The following C19orf12 variants were observed in gnomAD, a reference collection of about 807,000 sequenced individuals.
C19orf12 encodes protein C19orf12.
In C19orf12, 2 loss-of-function variants were observed where a neutral mutation model predicts 3.8. The ratio of observed to expected loss-of-function variants is 0.53; its 90% CI spans 0.22 to 1.66. C19orf12 has a LOEUF of 1.66. Among genes scored for constraint, C19orf12 ranks in the 40% most tolerant of loss-of-function variants. The pLI is 0.20. For synonymous variants in C19orf12, 89 were observed against 84.6 expected (o/e 1.05, Z -0.28); for missense variants, 156 against 188.8 (o/e 0.83, Z 1.02).
rs576273835 is a variant in C19orf12 at position 29,699,350 on chromosome 19, G to C, written c.*3362C>G. ...AAATAAAAATTAGCCGGGCATGGTG[G>C]CGGGCGACTGTAGTCAAAGCTACTC... On this transcript the variant is annotated 3_prime_UTR_variant, in exon 3 of 3. Transcript: ENST00000323670. 139 of 367,066 alleles carry C rather than the reference G, an allele frequency of 3.8e-4. No homozygotes were observed. The highest frequency in any genetic ancestry group is 2.7e-3 in the African/African-American group (126 of 46,682). 22.7% of individuals were successfully genotyped at this position (367,066 alleles called of 1,614,324 possible). A position where few individuals can be genotyped will look rare whatever the true frequency, so the allele number is the denominator to read the frequency against.
chr19:29,704,335 G>C (rs920211619), intron 2 of C19orf12, among the ~76,000 whole-genome samples: 3 of 151,918 alleles, frequency 2.0e-5, no homozygotes, highest in African/African-American at 4.8e-5. Flanking sequence ...CAGGCATAGT[G>C]GTGGGTGCCT....
rs759906106 is a variant in C19orf12, at chr19:29,700,650, C to CAT, written c.*2061_*2062insAT. 2.2e-6 allele frequency: 1 copy of CAT among 454,084 alleles called. No individual in the cohort carries two copies. Among genetic ancestry groups the CAT allele is most frequent in the Non-Finnish European group, 4.4e-6 (1 of 226,776 alleles). 28.1% of individuals were successfully genotyped at this position (454,084 alleles called of 1,614,324 possible). On this transcript the variant is annotated 3_prime_UTR_variant, in exon 3 of 3. Coordinates refer to ENST00000323670, the MANE Select transcript of C19orf12 (RefSeq NM_031448.6). ...AGTGGCATATAAATGATTAAAGTGG[C>CAT]TTCATTAACTCCAGGAGTGTGGCCT...
chr19:29,713,059 G>A (rs1972766805), intron 1 of C19orf12, among the ~76,000 whole-genome samples: 3 of 152,210 alleles, frequency 2.0e-5, no homozygotes, highest in Non-Finnish European at 4.4e-5. Context: ...TCTTGTTGGG[G>A]AAGAAAGGTT....
At position 29,700,076 on chromosome 19, in the gene C19orf12, C is replaced by T; in HGVS notation, c.*2636G>A. The stretch of plus-strand genomic sequence containing the variant: ...GACACAAAACTGATCAGGAGTTGGA[C>T]CATCTCCTCCCTGGGCATTTTTCCC... On this transcript the variant is annotated 3_prime_UTR_variant, in exon 3 of 3. Coordinates refer to ENST00000323670, the MANE Select transcript of C19orf12 (RefSeq NM_031448.6). 1 of 454,050 alleles carries T rather than the reference C, an allele frequency of 2.2e-6. No homozygotes were observed. Among genetic ancestry groups the T allele is most frequent in the South Asian group, 1.6e-5 (1 of 64,474 alleles). 28.1% of individuals were successfully genotyped at this position (454,050 alleles called of 1,614,324 possible).
Position 29,699,860 on chromosome 19 carries a change from T to C in C19orf12, c.*2852A>G. ...TAAATTTCTACAAAGAAGATACAGATATATAAATACTAAAACCACAGGAGC... is the reference window on the plus strand; with the variant it reads ...TAAATTTCTACAAAGAAGATACAGACATATAAATACTAAAACCACAGGAGC... On this transcript the variant is annotated 3_prime_UTR_variant, in exon 3 of 3. Transcript: ENST00000323670. 4.4e-6 allele frequency: 2 copies of C among 453,650 alleles called. No homozygotes were observed. Among genetic ancestry groups the C allele is most frequent in the Non-Finnish European group, 8.8e-6 (2 of 226,682 alleles). The allele number at this position is 453,650 out of a possible 1,614,324, so 28.1% of individuals were successfully genotyped here.
rs201476706 is a variant in C19orf12 at position 29,702,733 on chromosome 19, G to A, written c.405C>T (p.Ala135=). The A allele has an allele frequency of 2.8e-5, 45 of 1,613,778 alleles. No individual in the cohort carries two copies. In the African/African-American group the frequency reaches 3.7e-4, roughly 13 times the overall value. Reference sequence around the variant, plus strand: ...CGGCCTAGTCATCATACTGGATCTCGGCCCGCAGCTCCTTGGTGACGTAGT... The same window carrying A: ...CGGCCTAGTCATCATACTGGATCTCAGCCCGCAGCTCCTTGGTGACGTAGT... ...LVNYVTKELR[A]EIQYDD is the part of the protein sequence containing the mutation. Residue 135 remains alanine, a synonymous_variant, in exon 3 of 3, where the codon GCC becomes GCT. Coordinates refer to ENST00000323670, the MANE Select transcript of C19orf12 (RefSeq NM_031448.6).
intron 1 of C19orf12, 92 bp downstream of exon 1, chr19:29,715,032 TC>T (rs1972888300): frequency 1.5e-6 from 1 of 685,450 alleles, no homozygotes; most frequent in South Asian, 1.5e-5. Flanking sequence ...CCCAAGGCAC[TC>T]CCGGGTCTCC....
chr19:29,705,513 T>C (rs1972331284), intron 2 of C19orf12: 1 of 254,178 alleles, frequency 3.9e-6, no homozygotes, highest in Non-Finnish European at 8.0e-6. Flanking sequence ...TTCTTAGGTT[T>C]TTTTTTTTTT....
In C19orf12 at chr19:29,705,402, CAA is replaced by C. The variant is rs34101444; in HGVS notation, c.161-2427_161-2426del. Reference sequence around the variant, plus strand: ...GGTGTCTTAGACTGGATCCTGAAACCAAAAAAAAAAAAAAAAAAAAAAGGCCA... The same window carrying C: ...GGTGTCTTAGACTGGATCCTGAAACCAAAAAAAAAAAAAAAAAAAAGGCCA... On this transcript the variant is annotated intron_variant, in intron 2 of 2. Coordinates refer to ENST00000323670, the MANE Select transcript of C19orf12 (RefSeq NM_031448.6). 0.048 allele frequency: 5,270 copies of C among 110,246 alleles called. No individual in the cohort carries two copies. The highest frequency in any genetic ancestry group is 0.1 in the South Asian group (1,117 of 11,154). The allele number at this position is 110,246 out of a possible 1,614,324, so 6.8% of individuals were successfully genotyped here.
At position 29,702,380 on chromosome 19, in the gene C19orf12, G is replaced by A. The variant is rs759362527; in HGVS notation, c.*332C>T. On this transcript the variant is annotated 3_prime_UTR_variant, in exon 3 of 3. Transcript: ENST00000323670. ...AGTGTGGTCAGACCGTCGGCTGAGCGTGATCACTTCCCCAGACCCATGCGG... is the reference window on the plus strand; with the variant it reads ...AGTGTGGTCAGACCGTCGGCTGAGCATGATCACTTCCCCAGACCCATGCGG... 5 of 536,760 alleles carry A rather than the reference G, an allele frequency of 9.3e-6. No homozygotes were observed. The highest frequency in any genetic ancestry group is 9.3e-5 in the East Asian group (2 of 21,616). 33.2% of individuals were successfully genotyped at this position (536,760 alleles called of 1,614,324 possible). A position where few individuals can be genotyped will look rare whatever the true frequency, so the allele number is the denominator to read the frequency against.
At chr19:29,703,851 C>T (rs1972242452) in intron 2 of C19orf12, among the ~76,000 whole-genome samples, 1 of 151,958 alleles carries the variant, frequency 6.6e-6, no homozygotes, top group African/African-American at 2.4e-5. Context: ...ATTAGCTGGG[C>T]TTGGGGGCAC....
Position 29,701,992 on chromosome 19 carries a change from T to A in C19orf12, c.*720A>T, listed in dbSNP as rs536195703. On this transcript the variant is annotated 3_prime_UTR_variant, in exon 3 of 3. Transcript: ENST00000323670. ...CTGAACCCACAATATCTCCGAGATA[T>A]ACCTGTACTTTTTACTAAAAATATT... The A allele has an allele frequency of 2.2e-6, 1 of 453,674 alleles. No individual in the cohort carries two copies. The highest frequency in any genetic ancestry group is 1.6e-5 in the South Asian group (1 of 64,420). The allele number at this position is 453,674 out of a possible 1,614,324, so 28.1% of individuals were successfully genotyped here. A position where few individuals can be genotyped will look rare whatever the true frequency, so the allele number is the denominator to read the frequency against.
rs1462918561 is a variant in C19orf12 at position 29,702,847 on chromosome 19, C to A, written c.291G>T (p.Arg97Ser). 3 of 1,614,068 alleles carry A rather than the reference C, an allele frequency of 1.9e-6. No individual in the cohort carries two copies. Among genetic ancestry groups the A allele is most frequent in the African/African-American group, 2.7e-5 (2 of 74,940 alleles). Reference sequence around the variant, plus strand: ...GCACGGCGTCCGTCCACTCCAGGTGCCTGATGATGGCTGCGGCTTCGTTAA... The same window carrying A: ...GCACGGCGTCCGTCCACTCCAGGTGACTGATGATGGCTGCGGCTTCGTTAA... ...RLFNEAAAII[R>S]HLEWTDAVQL... The change falls in exon 3 of 3, where the codon AGG (arginine) becomes AGT (serine). Residue 97 changes from arginine to serine, a missense_variant. By Grantham distance (110) the Arg-to-Ser change is moderately radical. Coordinates refer to ENST00000323670, the MANE Select transcript of C19orf12 (RefSeq NM_031448.6).
intron 1 of C19orf12, among the ~76,000 whole-genome samples, chr19:29,713,385 G>A (rs1038573885): frequency 2.0e-5 from 3 of 151,964 alleles, no homozygotes; most frequent in Admixed American, 1.3e-4. Context: ...TCTTGCAGGC[G>A]CCCAGGCTGC....
intron 1 of C19orf12, among the ~76,000 whole-genome samples, chr19:29,710,348 G>A (rs949230063): frequency 6.6e-6 from 1 of 152,164 alleles, no homozygotes; most frequent in Non-Finnish European, 1.5e-5. Flanking sequence ...CTGCGCTCCT[G>A]CCCCTGTAAA....
chr19:29,699,100 A>T lies in C19orf12; in HGVS notation c.*3612T>A. On this transcript the variant is annotated 3_prime_UTR_variant, in exon 3 of 3. Transcript: ENST00000323670. ...TTACAAGGAATTTTAAATTACATCA[A>T]AAATATTATTTAACATTCATTGATA... is the stretch of plus-strand genomic sequence containing the variant. 1 of 454,032 alleles carries T rather than the reference A, an allele frequency of 2.2e-6. No individual in the cohort carries two copies. Among genetic ancestry groups the T allele is most frequent in the Non-Finnish European group, 4.4e-6 (1 of 226,784 alleles). The allele number at this position is 454,032 out of a possible 1,614,324, so 28.1% of individuals were successfully genotyped here.
At position 29,699,739 on chromosome 19, in the gene C19orf12, T is replaced by C; in HGVS notation, c.*2973A>G. The C allele has an allele frequency of 2.2e-6, 1 of 454,122 alleles. No individual in the cohort carries two copies. The highest frequency in any genetic ancestry group is 6.9e-4 in the Middle Eastern group (1 of 1,444). 28.1% of individuals were successfully genotyped at this position (454,122 alleles called of 1,614,324 possible). ...TGAAATTGGTAACAGTGGCTGCCTCTGGGGTCGGCATAGGAGCAGGCCTTC... is the reference window on the plus strand; with the variant it reads ...TGAAATTGGTAACAGTGGCTGCCTCCGGGGTCGGCATAGGAGCAGGCCTTC... On this transcript the variant is annotated 3_prime_UTR_variant, in exon 3 of 3. Transcript: ENST00000323670.
intron 1 of C19orf12, among the ~76,000 whole-genome samples, chr19:29,712,762 C>T (rs1242311158): frequency 6.6e-6 from 1 of 152,166 alleles, no homozygotes; most frequent in Non-Finnish European, 1.5e-5. Flanking sequence ...GCTTATTAAA[C>T]TTCTGCTCTA....
chr19:29,701,315 T>C lies in C19orf12; in HGVS notation c.*1397A>G, dbSNP rs937285116. On this transcript the variant is annotated 3_prime_UTR_variant, in exon 3 of 3. Coordinates refer to ENST00000323670, the MANE Select transcript of C19orf12 (RefSeq NM_031448.6). ...CTCAGACACCGACATCTGAGGATGC[T>C]CAAGTCCCTGATGGGCAATGGCATA... 1.3e-5 allele frequency: 6 copies of C among 454,018 alleles called. No homozygotes were observed. Among genetic ancestry groups the C allele is most frequent in the African/African-American group, 1.0e-4 (5 of 50,018 alleles). 28.1% of individuals were successfully genotyped at this position (454,018 alleles called of 1,614,324 possible). A position where few individuals can be genotyped will look rare whatever the true frequency, so the allele number is the denominator to read the frequency against.
Sources: gnomAD v4.1 joint callset for allele counts (sites outside exome capture counted in the v4.1 genomes callset) on GRCh38, gnomAD v4.1.1 for gene constraint, MANE v1.5 for transcripts, NCBI Gene and HGNC (gene_info 2026-07-23, HGNC 2026-07-21) for gene names.